The following ACSM1 variants were observed in gnomAD, a reference collection of about 807,000 sequenced individuals.
ACSM1 encodes the protein acyl-CoA synthetase medium chain family member 1, also known as acyl-coenzyme A synthetase ACSM1, mitochondrial.
In ACSM1, 79 loss-of-function variants were observed where a neutral mutation model predicts 75.8. The observed-to-expected ratio is 1.04, with a 90% CI of 0.87 to 1.26. ACSM1 has a LOEUF of 1.26. Among genes scored for constraint, ACSM1 ranks in the 50% most tolerant of loss-of-function variants. The probability of loss-of-function intolerance (pLI) is 0.00; values close to 1 mark genes in which losing one functional copy is unlikely to be tolerated. For missense variants in ACSM1, 676 were observed against 720.1 expected (o/e 0.94, Z 0.70); for synonymous variants, 279 against 265.8 (o/e 1.05, Z -0.48).
chr16:20,654,512 G>T (rs1466829511), intron 7 of ACSM1, among the ~76,000 whole-genome samples: 1 of 152,100 alleles, frequency 6.6e-6, no homozygotes, highest in Non-Finnish European at 1.5e-5. Flanking sequence ...CTGACAAAGG[G>T]CTAATATCCA....
intron 8 of ACSM1, among the ~76,000 whole-genome samples, chr16:20,637,871 C>A (rs1450841460): frequency 6.6e-6 from 1 of 152,170 alleles, no homozygotes; most frequent in Non-Finnish European, 1.5e-5. Flanking sequence ...AGGGATTCTG[C>A]CACAACTTCT....
intron 5 of ACSM1, among the ~76,000 whole-genome samples, chr16:20,670,880 T>C (rs1263707714): frequency 6.6e-6 from 1 of 152,234 alleles, no homozygotes; most frequent in Non-Finnish European, 1.5e-5. Flanking sequence ...CTGTGCTCCA[T>C]ATTCTGTTTA....
At chr16:20,664,146 A>ATTATTTATTTATTTAT (rs2019440354) in intron 6 of ACSM1, among the ~76,000 whole-genome samples, 7 of 15,572 alleles carry the variant, frequency 4.5e-4, no homozygotes, top group African/African-American at 1.3e-3. Flanking sequence ...TAAATTGAAT[A>ATTATTTATTTATTTAT]GTATTTATTT....
chr16:20,633,898 T>C (rs1334436380), intron 10 of ACSM1, among the ~76,000 whole-genome samples: 1 of 152,056 alleles, frequency 6.6e-6, no homozygotes, highest in Non-Finnish European at 1.5e-5. Flanking sequence ...AGTCTTGCAA[T>C]CTGGCCTCAA....
intron 11 of ACSM1, 97 bp downstream of exon 11, chr16:20,627,092 T>C: frequency 2.1e-6 from 3 of 1,432,062 alleles, no homozygotes; most frequent in Non-Finnish European, 2.8e-6. Flanking sequence ...AGATTTAGGC[T>C]GAAATTTCAC....
At chr16:20,690,713 C>T (rs1397697013) in intron 2 of ACSM1, among the ~76,000 whole-genome samples, 2 of 152,178 alleles carry the variant, frequency 1.3e-5, no homozygotes, top group Non-Finnish European at 2.9e-5. Context: ...GAACTTTGCA[C>T]CTGGTCACAA....
chr16:20,640,609 C>A (rs1286084376), intron 7 of ACSM1, 25 bp from the exon 8 acceptor site: 1 of 1,613,974 alleles, frequency 6.2e-7, no homozygotes. Flanking sequence ...AGGTGCCAGG[C>A]ATTGGTGAGC....
chr16:20,625,969 C>T lies in ACSM1; in HGVS notation c.1428-447G>A, dbSNP rs567536081. Among the ~76,000 whole-genome samples the T allele has an allele frequency of 3.3e-5, 5 of 152,326 alleles. No homozygotes were observed. The East Asian group carries it at 7.7e-4, about 23-fold the overall frequency. ...CATATACATAGTAACGCGATTAAAACACTCAAGCACACTAGCATATCCATC... is the reference window on the plus strand; with the variant it reads ...CATATACATAGTAACGCGATTAAAATACTCAAGCACACTAGCATATCCATC... On this transcript the variant is annotated intron_variant, in intron 11 of 13. Coordinates refer to ENST00000520010, the MANE Select transcript of ACSM1 (RefSeq NM_001318890.3).
In ACSM1 at chr16:20,639,595, G is replaced by A. The variant is rs150739289; in HGVS notation, c.1116+866C>T. On this transcript the variant is annotated intron_variant, in intron 8 of 13. Coordinates refer to ENST00000520010, the MANE Select transcript of ACSM1 (RefSeq NM_001318890.3). Reference sequence around the variant, plus strand: ...CCCCTTTTTAAGGTTTTGTCCAAGAGTTTTAAGCACATTAGTCCCTTGGTA... The same window carrying A: ...CCCCTTTTTAAGGTTTTGTCCAAGAATTTTAAGCACATTAGTCCCTTGGTA... Among the ~76,000 whole-genome samples, 15 of 152,318 alleles carry A rather than the reference G, an allele frequency of 9.8e-5. No homozygotes were observed. In the East Asian group the frequency reaches 2.9e-3, roughly 29 times the overall value.
At chr16:20,640,200 T>A (rs1234976239) in intron 8 of ACSM1, among the ~76,000 whole-genome samples, 1 of 152,232 alleles carries the variant, frequency 6.6e-6, no homozygotes, top group Non-Finnish European at 1.5e-5. Context: ...TGACTCTTCC[T>A]CTACCCTTCT....
chr16:20,672,775 T>C (rs1201142762), intron 4 of ACSM1, among the ~76,000 whole-genome samples: 71 of 124,090 alleles, frequency 5.7e-4, no homozygotes, highest in Non-Finnish European at 1.0e-3. Context: ...AAATTATGCT[T>C]ATATATAAAT....
intron 6 of ACSM1, among the ~76,000 whole-genome samples, chr16:20,662,355 G>T (rs2019344057): frequency 6.6e-6 from 1 of 152,154 alleles, no homozygotes; most frequent in Admixed American, 6.5e-5. Flanking sequence ...AGGAGCTAAA[G>T]AAACATTTCA....
intron 7 of ACSM1, among the ~76,000 whole-genome samples, chr16:20,649,038 T>A (rs529823824): frequency 6.6e-6 from 1 of 152,346 alleles, no homozygotes; most frequent in Non-Finnish European, 1.5e-5. Flanking sequence ...AAGGCTCCCA[T>A]GTATACATGT....
intron 6 of ACSM1, among the ~76,000 whole-genome samples, chr16:20,662,886 T>G (rs1035631294): frequency 8.5e-5 from 13 of 152,122 alleles, no homozygotes; most frequent in Non-Finnish European, 1.8e-4. Flanking sequence ...TCAGGCCCAC[T>G]CCAGCAATGT....
chr16:20,649,394 C>T (rs2018529604), intron 7 of ACSM1, among the ~76,000 whole-genome samples: 1 of 152,204 alleles, frequency 6.6e-6, no homozygotes, highest in African/African-American at 2.4e-5. Flanking sequence ...TATCTTGAAA[C>T]TGCCCTGCAA....
intron 10 of ACSM1, 116 bp from the exon 11 acceptor site, chr16:20,627,432 C>A: frequency 8.2e-7 from 1 of 1,224,856 alleles, no homozygotes. Context: ...GGTACCTGGG[C>A]AAGTTTTGCC....
chr16:20,696,065 A>G (rs1164305417), intron 1 of ACSM1, among the ~76,000 whole-genome samples: 1 of 152,238 alleles, frequency 6.6e-6, no homozygotes, highest in Non-Finnish European at 1.5e-5. Context: ...GACTGCCTAC[A>G]GTATTTAATA....
At chr16:20,667,967 T>C (rs2019664737) in intron 6 of ACSM1, among the ~76,000 whole-genome samples, 1 of 152,068 alleles carries the variant, frequency 6.6e-6, no homozygotes, top group South Asian at 2.1e-4. Context: ...CACATGGACA[T>C]AAAGTTGGAA....
intron 8 of ACSM1, among the ~76,000 whole-genome samples, chr16:20,637,934 C>T (rs2017821771): frequency 6.6e-6 from 1 of 152,138 alleles, no homozygotes; most frequent in East Asian, 1.9e-4. Flanking sequence ...AGAATGTTGC[C>T]TTTGTCATCA....
Sources: allele counts gnomAD v4.1 joint callset (sites outside exome capture counted in the v4.1 genomes callset), GRCh38; gene constraint gnomAD v4.1.1; transcripts MANE v1.5; gene names NCBI Gene and HGNC (gene_info 2026-07-23, HGNC 2026-07-21).